RAPGEF2: variants seen among roughly 807,000 people sequenced by gnomAD.
The protein encoded by RAPGEF2 is Rap guanine nucleotide exchange factor 2.
RAPGEF2 carries 54 observed loss-of-function variants against 186.7 expected under a neutral mutation model. The ratio of observed to expected loss-of-function variants is 0.29; its 90% CI spans 0.23 to 0.36. The LOEUF is 0.36. Ranked by LOEUF, RAPGEF2 falls within the 10% of genes least tolerant of loss-of-function variation. The pLI is 1.00. For synonymous variants in RAPGEF2, 712 were observed against 705.9 expected (o/e 1.01, Z -0.14); for missense variants, 1,532 against 2,045.0 (o/e 0.75, Z 4.84).
chr4:159,356,967 AG>A (rs1275023286), intron 29 of RAPGEF2, among the ~76,000 whole-genome samples: 1 of 152,334 alleles, frequency 6.6e-6, no homozygotes, highest in East Asian at 1.9e-4. Flanking sequence ...AGAAGCATGT[AG>A]GATTCTCAAA....
rs1553991869 is a variant in RAPGEF2 at position 159,104,553 on chromosome 4, A to AGAGAGAGAGAGAGAGAGT, written c.69+323_69+324insAGAGAGAGAGAGAGAGTG. On this transcript the variant is annotated intron_variant, in intron 1 of 29. Transcript: ENST00000691494. ...GAGAGACAGAGAGAGAGAGAGAGAG[A>AGAGAGAGAGAGAGAGAGT]GTGTGTGTGTGTGTGTGTATGTGTG... is the stretch of plus-strand genomic sequence containing the variant. Among the ~76,000 whole-genome samples, 4 of 136,116 alleles carry AGAGAGAGAGAGAGAGAGT rather than the reference A, an allele frequency of 2.9e-5. 1 individual carries two copies. Among genetic ancestry groups the AGAGAGAGAGAGAGAGAGT allele is most frequent in the South Asian group, 4.8e-4 (2 of 4,206 alleles). The allele number at this position is 136,116 out of a possible 152,430, so 89.3% of individuals were successfully genotyped here. A position where few individuals can be genotyped will look rare whatever the true frequency, so the allele number is the denominator to read the frequency against.
chr4:159,107,880 A>G (rs1288651301), intron 1 of RAPGEF2, among the ~76,000 whole-genome samples: 1 of 152,192 alleles, frequency 6.6e-6, no homozygotes, highest in Non-Finnish European at 1.5e-5. Context: ...TCTTTTTACC[A>G]TTGCTTATAA....
At chr4:159,161,739 T>A (rs1744727923) in intron 1 of RAPGEF2, among the ~76,000 whole-genome samples, 1 of 152,142 alleles carries the variant, frequency 6.6e-6, no homozygotes, top group African/African-American at 2.4e-5. Context: ...AAATTTAGAT[T>A]GTGATGGCAG....
chr4:159,114,751 G>T (rs1253456521), intron 1 of RAPGEF2, among the ~76,000 whole-genome samples: 3 of 152,156 alleles, frequency 2.0e-5, no homozygotes, highest in African/African-American at 7.2e-5. Flanking sequence ...CAATCCCAAT[G>T]AAATTTAAAT....
intron 5 of RAPGEF2, among the ~76,000 whole-genome samples, chr4:159,240,100 G>C (rs1352935942): frequency 2.6e-5 from 4 of 152,146 alleles, no homozygotes; most frequent in Non-Finnish European, 5.9e-5. Context: ...ACAGTAGATA[G>C]TCTTAGATAT....
intron 9 of RAPGEF2, among the ~76,000 whole-genome samples, chr4:159,321,240 T>C (rs1044476906): frequency 9.3e-5 from 14 of 150,714 alleles, no homozygotes; most frequent in Non-Finnish European, 1.8e-4. Flanking sequence ...AGAGTCTCAC[T>C]CTTTCACCCA....
intron 9 of RAPGEF2, among the ~76,000 whole-genome samples, chr4:159,318,009 G>C (rs1429241275): frequency 1.3e-5 from 2 of 151,168 alleles, no homozygotes; most frequent in African/African-American, 4.9e-5. Flanking sequence ...AGAATCTCTA[G>C]AAAGCAGCAG....
chr4:159,291,175 T>G lies in RAPGEF2; in HGVS notation c.544-13167T>G, dbSNP rs551785786. On this transcript the variant is annotated intron_variant, in intron 7 of 29. Transcript: ENST00000691494. ...GAAAAGGAGTACCTGTGGTGGTGGT[T>G]GTTGCATAAAATCTAGAAGCAAATT... Among the ~76,000 whole-genome samples, 9 of 152,328 alleles carry G rather than the reference T, an allele frequency of 5.9e-5. No individual in the cohort carries two copies. In the South Asian group the frequency reaches 1.0e-3, roughly 18 times the overall value.
intron 1 of RAPGEF2, among the ~76,000 whole-genome samples, chr4:159,124,400 A>G (rs1253780808): frequency 1.3e-5 from 2 of 151,710 alleles, no homozygotes; most frequent in African/African-American, 4.8e-5. Context: ...TTAGCTGAGC[A>G]TGGTGGCACG....
In RAPGEF2 at chr4:159,341,711, T is replaced by C. The variant is rs756147821; in HGVS notation, c.2682T>C (p.Phe894=). The C allele has an allele frequency of 8.7e-6, 14 of 1,614,072 alleles. No homozygotes were observed. Among genetic ancestry groups the C allele is most frequent in the Admixed American group, 3.3e-5 (2 of 60,028 alleles). ...TQLSMRNFEL[F]RNIEPTEYID... The stretch of plus-strand genomic sequence containing the variant: ...TCTCTATGCGAAATTTTGAACTCTT[T>C]CGCAACATTGAACCTACTGAATATA... The change falls in exon 20 of 30, where the codon TTT becomes TTC. Residue 894 remains phenylalanine (F), a synonymous_variant. Coordinates refer to ENST00000691494, the MANE Select transcript of RAPGEF2 (RefSeq NM_001394067.2).
chr4:159,121,345 C>G (rs981832655), intron 1 of RAPGEF2, among the ~76,000 whole-genome samples: 1 of 151,728 alleles, frequency 6.6e-6, no homozygotes, highest in Non-Finnish European at 1.5e-5. Flanking sequence ...CCTCCCCTCC[C>G]CTTCCTCTTC....
At chr4:159,184,731 A>G (rs867651594) in intron 1 of RAPGEF2, among the ~76,000 whole-genome samples, 1 of 152,140 alleles carries the variant, frequency 6.6e-6, no homozygotes, top group Non-Finnish European at 1.5e-5. Flanking sequence ...TGCTGTGCAG[A>G]AGCTCTTTAG....
chr4:159,191,606 G>A (rs1416104618), intron 2 of RAPGEF2, among the ~76,000 whole-genome samples: 2 of 152,126 alleles, frequency 1.3e-5, no homozygotes, highest in Admixed American at 6.5e-5. Flanking sequence ...GGGCGTGGTG[G>A]CGCGCAACGA....
chr4:159,340,733 A>G lies in RAPGEF2; in HGVS notation c.2535-831A>G, dbSNP rs1341934298. On this transcript the variant is annotated intron_variant, in intron 19 of 29. Coordinates refer to ENST00000691494, the MANE Select transcript of RAPGEF2 (RefSeq NM_001394067.2). ...TTTATGGAATTTTCACAGAGAAAGCATGTGTCTAAAAAACAAAAACAAAAC... is the reference window on the plus strand; with the variant it reads ...TTTATGGAATTTTCACAGAGAAAGCGTGTGTCTAAAAAACAAAAACAAAAC... Among the ~76,000 whole-genome samples, 2 of 93,034 alleles carry G rather than the reference A, an allele frequency of 2.1e-5. 1 individual carries two copies. The highest frequency in any genetic ancestry group is 1.0e-4 in the African/African-American group (2 of 19,076). 61.0% of individuals were successfully genotyped at this position (93,034 alleles called of 152,430 possible). A position where few individuals can be genotyped will look rare whatever the true frequency, so the allele number is the denominator to read the frequency against.
Position 159,353,494 on chromosome 4 carries a change from G to A in RAPGEF2, c.4099G>A (p.Ala1367Thr), listed in dbSNP as rs754050689. ...TTTCTTTTAACCACTTAGGTCCTATGCACCAATGTCCGAGGGCCGAGGCTT... is the reference window on the plus strand; with the variant it reads ...TTTCTTTTAACCACTTAGGTCCTATACACCAATGTCCGAGGGCCGAGGCTT... ...EPDQYSLGSY[A>T]PMSEGRGLYA... is the part of the protein sequence containing the mutation. Residue 1367 changes from alanine to threonine, a missense_variant, in exon 28 of 30, where the codon GCA becomes ACA. Coordinates refer to ENST00000691494, the MANE Select transcript of RAPGEF2 (RefSeq NM_001394067.2). The surrounding 1 kb of genome is among the most constrained non-coding windows in gnomAD (Gnocchi z 4.3). 4.8e-6 allele frequency: 7 copies of A among 1,472,144 alleles called. No homozygotes were observed. Among genetic ancestry groups the A allele is most frequent in the East Asian group, 2.4e-5 (1 of 42,192 alleles). 91.2% of individuals were successfully genotyped at this position (1,472,144 alleles called of 1,614,324 possible).
chr4:159,104,527 G>GAGAGAGAGAGAGAGAGAGA (rs1560964822), intron 1 of RAPGEF2, among the ~76,000 whole-genome samples: 6 of 88,438 alleles, frequency 6.8e-5, no homozygotes, highest in African/African-American at 9.0e-5. Context: ...AGAGAGAGAG[G>GAGAGAGAGAGAGAGAGAGA]GAGAGACAGA....
Position 159,189,498 on chromosome 4 carries a change from C to A in RAPGEF2, c.140+2786C>A, listed in dbSNP as rs141636836. Among the ~76,000 whole-genome samples, 1,234 of 152,160 alleles carry A rather than the reference C, an allele frequency of 8.1e-3. 39 individuals carry two copies. The highest frequency in any genetic ancestry group is 0.018 in the Admixed American group (282 of 15,288). On this transcript the variant is annotated intron_variant, in intron 2 of 29. Coordinates refer to ENST00000691494, the MANE Select transcript of RAPGEF2 (RefSeq NM_001394067.2). ...AGTATGCTGTAATTGGGAGCAGAGA[C>A]CAAAAATCTGTTTAAAAAAGTAGAG...
At chr4:159,181,575 C>CT (rs531646826) in intron 1 of RAPGEF2, among the ~76,000 whole-genome samples, 2,350 of 121,326 alleles carry the variant, frequency 0.019, 41 homozygotes, top group Middle Eastern at 0.036. Flanking sequence ...GGAAGACAGT[C>CT]TTTTTTTTTT....
intron 1 of RAPGEF2, among the ~76,000 whole-genome samples, chr4:159,120,359 T>C (rs2111092663): frequency 6.6e-6 from 1 of 152,298 alleles, no homozygotes; most frequent in South Asian, 2.1e-4. Context: ...TTATGTAAAA[T>C]ATACATAAAA....
Sources: gnomAD v4.1 joint callset for allele counts (sites outside exome capture counted in the v4.1 genomes callset) on GRCh38, gnomAD v4.1.1 for gene constraint, Gnocchi (gnomAD v3.1) non-coding constraint, MANE v1.5 for transcripts, NCBI Gene and HGNC (gene_info 2026-07-23, HGNC 2026-07-21) for gene names.